The following MAF variants were observed in gnomAD, a reference collection of about 807,000 sequenced individuals.
The protein encoded by MAF is transcription factor Maf.
In MAF, 10 loss-of-function variants were observed where a neutral mutation model predicts 22.0. The observed-to-expected ratio is 0.45, with a 90% confidence interval of 0.28 to 0.77. The LOEUF is 0.77. Ranked by LOEUF, MAF falls within the 30% of genes least tolerant of loss-of-function variation. The probability of loss-of-function intolerance (pLI) is 0.12; values close to 1 mark genes in which losing one functional copy is unlikely to be tolerated. For missense variants in MAF, 544 were observed against 548.4 expected, an observed-to-expected ratio of 0.99 and a Z score of 0.08; for synonymous variants, 337 against 255.8, an observed-to-expected ratio of 1.32 and a Z score of -3.03.
rs1029898670 is a variant in MAF, at chr16:79,599,341, CGTG to C, written c.559_561del (p.His187del). 177 of 970,024 alleles carry C rather than the reference CGTG, an allele frequency of 1.8e-4. No individual in the cohort carries two copies. Among genetic ancestry groups the C allele is most frequent in the East Asian group, 8.0e-4 (7 of 8,802 alleles). 60.1% of individuals were successfully genotyped at this position (970,024 alleles called of 1,614,324 possible). On this transcript the variant is annotated inframe_deletion, in exon 1 of 2. Transcript: ENST00000326043. ...GTCGGGTGGTGGTGGTGGCCGGCGGCGTGGTGGTGGTGGTGGTGGTAGTGCGGG... is the reference window on the plus strand; with the variant it reads ...GTCGGGTGGTGGTGGTGGCCGGCGGCGTGGTGGTGGTGGTGGTAGTGCGGG...
chr16:79,247,314 C>A, the MAF span, among the ~76,000 whole-genome samples: 1 of 152,204 alleles, frequency 6.6e-6, no homozygotes, highest in African/African-American at 2.4e-5. Context: ...CAATGGAGAA[C>A]AGAAATGAAT....
At chr16:79,514,792 G>A in the MAF span, among the ~76,000 whole-genome samples, 13,042 of 152,230 alleles carry the variant, frequency 0.086, 1,679 homozygotes, top group African/African-American at 0.28. Context: ...TTTAGCCAAC[G>A]AAGTTCACTG....
At chr16:79,213,899 C>A in the MAF span, among the ~76,000 whole-genome samples, 1 of 152,002 alleles carries the variant, frequency 6.6e-6, no homozygotes, top group Non-Finnish European at 1.5e-5. Context: ...TTTTTTCTAC[C>A]CTACTTCTCT....
At chr16:79,323,277 G>C in the MAF span, among the ~76,000 whole-genome samples, 1 of 151,394 alleles carries the variant, frequency 6.6e-6, no homozygotes, top group South Asian at 2.1e-4. Context: ...ACATGGAGAG[G>C]CTGCAGGGAG....
At chr16:79,431,909 C>T in the MAF span, among the ~76,000 whole-genome samples, 2 of 152,136 alleles carry the variant, frequency 1.3e-5, no homozygotes, top group African/African-American at 4.8e-5. Flanking sequence ...CCTCATATGC[C>T]TATGCTGAAG....
At chr16:79,367,056 A>G in the MAF span, among the ~76,000 whole-genome samples, 8 of 152,320 alleles carry the variant, frequency 5.3e-5, no homozygotes, top group African/African-American at 1.9e-4. Context: ...GTGACGAAGA[A>G]TAATTTACCC....
the MAF span, among the ~76,000 whole-genome samples, chr16:79,412,351 G>A: frequency 4.0e-3 from 614 of 152,266 alleles, 6 homozygotes; most frequent in African/African-American, 0.014. Context: ...GGAGGTGTTG[G>A]GGAAGGGCCC....
chr16:79,310,177 C>G, the MAF span, among the ~76,000 whole-genome samples: 3 of 152,154 alleles, frequency 2.0e-5, no homozygotes, highest in African/African-American at 7.2e-5. Context: ...GTTCAGCCAC[C>G]CTTTTGTGCA....
the MAF span, among the ~76,000 whole-genome samples, chr16:79,208,214 G>A: frequency 2.0e-5 from 3 of 152,180 alleles, no homozygotes; most frequent in African/African-American, 2.4e-5. Context: ...GATCGGAAAT[G>A]GCATTCGGGC....
the MAF span, among the ~76,000 whole-genome samples, chr16:79,422,837 C>T: frequency 6.6e-6 from 1 of 152,102 alleles, no homozygotes; most frequent in South Asian, 2.1e-4. Context: ...ATCTTATGAA[C>T]ACTCAGCATA....
At chr16:79,271,596 G>T in the MAF span, among the ~76,000 whole-genome samples, 2 of 152,082 alleles carry the variant, frequency 1.3e-5, no homozygotes, top group Non-Finnish European at 2.9e-5. Context: ...CCCCTCAATT[G>T]CTTATTTTCT....
chr16:79,402,024 C>G, the MAF span, among the ~76,000 whole-genome samples: 25 of 152,300 alleles, frequency 1.6e-4, no homozygotes, highest in South Asian at 3.7e-3. Context: ...CAAAGTCACA[C>G]AGCTACTAAG....
chr16:79,371,392 C>T, the MAF span, among the ~76,000 whole-genome samples: 7 of 152,168 alleles, frequency 4.6e-5, no homozygotes, highest in African/African-American at 7.2e-5. Flanking sequence ...GGGACACAGA[C>T]GCCTCCTCTC....
chr16:79,439,389 G>C, the MAF span, among the ~76,000 whole-genome samples: 3 of 150,438 alleles, frequency 2.0e-5, no homozygotes, highest in African/African-American at 7.3e-5. Context: ...AGCCTCCCTA[G>C]TAGCTGGGAC....
chr16:79,299,104 CT>C, the MAF span, among the ~76,000 whole-genome samples: 89 of 152,266 alleles, frequency 5.8e-4, 1 homozygote, highest in East Asian at 0.012. Flanking sequence ...AAATATTTGA[CT>C]TTTTTTCACC....
At chr16:79,581,737 C>T (rs1912531609), downstream of MAF, among the ~76,000 whole-genome samples, 1 of 152,182 alleles carries the variant, frequency 6.6e-6, no homozygotes, top group Non-Finnish European at 1.5e-5. Context: ...AAAAATCTGC[C>T]TTCACCTCTC....
the MAF span, among the ~76,000 whole-genome samples, chr16:79,500,970 C>T: frequency 1.3e-5 from 2 of 152,256 alleles, no homozygotes; most frequent in African/African-American, 4.8e-5. Flanking sequence ...CATGGGCTGG[C>T]TCTTGTTTCT....
the MAF span, among the ~76,000 whole-genome samples, chr16:79,258,795 G>C: frequency 6.6e-6 from 1 of 152,234 alleles, no homozygotes; most frequent in Non-Finnish European, 1.5e-5. Flanking sequence ...CAAGTATAGT[G>C]CTAGTGAAGC....
At chr16:79,500,741 G>C in the MAF span, among the ~76,000 whole-genome samples, 1 of 152,108 alleles carries the variant, frequency 6.6e-6, no homozygotes, top group African/African-American at 2.4e-5. Context: ...TTTACTAGAA[G>C]AGTAAAAAAA....
Sources: allele counts gnomAD v4.1 joint callset (sites outside exome capture counted in the v4.1 genomes callset), GRCh38; gene constraint gnomAD v4.1.1; transcripts MANE v1.5; gene names NCBI Gene and HGNC (gene_info 2026-07-23, HGNC 2026-07-21).